SEPTIN7: variants seen among roughly 807,000 people sequenced by gnomAD.
SEPTIN7 encodes septin 7.
In SEPTIN7, 10 loss-of-function variants were observed where a neutral mutation model predicts 63.3. That is an observed-to-expected ratio of 0.16 (90% CI 0.10 to 0.27). SEPTIN7 has a LOEUF of 0.27. SEPTIN7 is among the 10% of genes least tolerant of loss of function. The probability of loss-of-function intolerance (pLI) is 1.00; values close to 1 mark genes in which losing one functional copy is unlikely to be tolerated. For synonymous variants in SEPTIN7, 131 were observed against 165.3 expected (o/e 0.79, Z 1.59); for missense variants, 310 against 521.0 (o/e 0.59, Z 3.94).
chr7:35,880,174 G>A (rs1205108924), intron 7 of SEPTIN7, among the ~76,000 whole-genome samples: 1 of 94,554 alleles, frequency 1.1e-5, no homozygotes, highest in Non-Finnish European at 2.3e-5. Context: ...ATACTCTTTA[G>A]AATTATTTTC....
At chr7:35,861,021 T>G (rs1785477139) in intron 3 of SEPTIN7, among the ~76,000 whole-genome samples, 1 of 152,186 alleles carries the variant, frequency 6.6e-6, no homozygotes, top group Non-Finnish European at 1.5e-5. Context: ...TTCTTTTTTC[T>G]TTCTGCTCAG....
At chr7:35,833,990 T>C (rs1783957440) in intron 3 of SEPTIN7, among the ~76,000 whole-genome samples, 1 of 152,046 alleles carries the variant, frequency 6.6e-6, no homozygotes, top group Admixed American at 6.5e-5. Flanking sequence ...ATAGCATTGG[T>C]TACCTTGTCT....
chr7:35,837,982 G>A (rs1254714234), intron 3 of SEPTIN7, among the ~76,000 whole-genome samples: 2 of 152,064 alleles, frequency 1.3e-5, no homozygotes, highest in East Asian at 3.9e-4. Context: ...ACTTGCCTCG[G>A]CCTCCCAAAG....
chr7:35,854,103 A>G (rs1785085116), intron 3 of SEPTIN7, among the ~76,000 whole-genome samples: 1 of 152,146 alleles, frequency 6.6e-6, no homozygotes, highest in Non-Finnish European at 1.5e-5. Flanking sequence ...TTGGATTTTC[A>G]GATTAGGGAT....
At chr7:35,822,864 G>T (rs1389504105) in intron 1 of SEPTIN7, among the ~76,000 whole-genome samples, 1 of 152,110 alleles carries the variant, frequency 6.6e-6, no homozygotes. Flanking sequence ...CCACACCCCT[G>T]TTTTGTTCTA....
chr7:35,889,337 G>C (rs1394360558), intron 10 of SEPTIN7, among the ~76,000 whole-genome samples: 1 of 152,200 alleles, frequency 6.6e-6, no homozygotes, highest in African/African-American at 2.4e-5. Flanking sequence ...GAGGGACAGA[G>C]TCTGGGAGAT....
Position 35,898,299 on chromosome 7 carries a change from G to T in SEPTIN7, c.1050G>T (p.Met350Ile), listed in dbSNP as rs1788077598. The T allele has an allele frequency of 7.7e-6, 12 of 1,551,464 alleles. No homozygotes were observed. The highest frequency in any genetic ancestry group is 9.6e-6 in the Non-Finnish European group (11 of 1,146,558). ...EEERREHVAK[M>I]KKMEMEMEQV... is the part of the protein sequence containing the mutation. Reference sequence around the variant, plus strand: ...AAAGAAGGGAGCATGTAGCTAAAATGAAGAAGATGGAGATGGAGATGGAGC... The same window carrying T: ...AAAGAAGGGAGCATGTAGCTAAAATTAAGAAGATGGAGATGGAGATGGAGC... Residue 350 changes from methionine to isoleucine, a missense_variant, in exon 12 of 14, where the codon ATG (methionine) becomes ATT (isoleucine). Physicochemically the swap from Met to Ile is conservative, Grantham distance 10. Coordinates refer to ENST00000350320, the MANE Select transcript of SEPTIN7 (RefSeq NM_001788.6).
Position 35,832,527 on chromosome 7 carries a change from A to G in SEPTIN7, c.67-271A>G, listed in dbSNP as rs17617560. 6,906 of 312,570 alleles carry G rather than the reference A, an allele frequency of 0.022. 116 individuals are homozygous for G. The highest frequency in any genetic ancestry group is 0.028 in the Non-Finnish European group (4,580 of 162,616). 19.4% of individuals were successfully genotyped at this position (312,570 alleles called of 1,614,324 possible). On this transcript the variant is annotated intron_variant, in intron 2 of 13. Transcript: ENST00000350320. ...ATCATCTTGTTACTAACTACTGTCA[A>G]TTGAAATCTTTGCTCTGAGGCAGGT...
At chr7:35,910,235 A>G (rs1197532709), downstream of SEPTIN7, among the ~76,000 whole-genome samples, 3 of 152,216 alleles carry the variant, frequency 2.0e-5, no homozygotes, top group East Asian at 1.9e-4. Context: ...GTCCTGTTCA[A>G]TGCATGAAGG....
chr7:35,809,940 G>A (rs986302453), intron 1 of SEPTIN7, among the ~76,000 whole-genome samples: 4 of 152,176 alleles, frequency 2.6e-5, no homozygotes, highest in Admixed American at 6.5e-5. Context: ...AAGGACATGA[G>A]GGGGATGGTT....
chr7:35,820,171 G>A (rs1789327666), intron 1 of SEPTIN7, among the ~76,000 whole-genome samples: 4 of 152,004 alleles, frequency 2.6e-5, no homozygotes. Flanking sequence ...ACATATAGTT[G>A]CTTCTCATAA....
At chr7:35,842,088 G>A (rs1215963611) in intron 3 of SEPTIN7, among the ~76,000 whole-genome samples, 1 of 152,154 alleles carries the variant, frequency 6.6e-6, no homozygotes, top group Non-Finnish European at 1.5e-5. Context: ...AGCATTTGTA[G>A]ATTGAGTGTT....
intron 1 of SEPTIN7, among the ~76,000 whole-genome samples, chr7:35,824,094 T>TA (rs900416361): frequency 6.6e-6 from 1 of 151,840 alleles, no homozygotes; most frequent in Non-Finnish European, 1.5e-5. Flanking sequence ...AGATAAGCAT[T>TA]AAAAAAAATT....
At position 35,890,695 on chromosome 7, in the gene SEPTIN7, T is replaced by C; in HGVS notation, c.900T>C (p.Val300=). ...IRTHMQDLKD[V]TNNVHYENYR... ...CACACATGCAGGACTTGAAAGATGT[T>C]ACTAATAATGTCCACTATGAGAACT... Residue 300 remains valine, a synonymous_variant, in exon 11 of 14, where the codon GTT becomes GTC. Transcript: ENST00000350320. 6.3e-7 allele frequency: 1 copy of C among 1,586,856 alleles called. No homozygotes were observed. The highest frequency in any genetic ancestry group is 1.4e-5 in the African/African-American group (1 of 73,634).
chr7:35,802,113 T>G (rs1788032144), intron 1 of SEPTIN7: 1 of 162,860 alleles, frequency 6.1e-6, no homozygotes, highest in African/African-American at 2.4e-5. Context: ...AGATGTGGAG[T>G]GGCGAAGTTT....
At chr7:35,807,224 GCC>G (rs1788402478) in intron 1 of SEPTIN7, among the ~76,000 whole-genome samples, 1 of 143,456 alleles carries the variant, frequency 7.0e-6, no homozygotes, top group Non-Finnish European at 1.5e-5. Context: ...CGCTCTTGTT[GCC>G]CAGGCTGGAG....
chr7:35,915,741 T>G, the SEPTIN7 span, among the ~76,000 whole-genome samples: 17 of 152,178 alleles, frequency 1.1e-4, no homozygotes, highest in Admixed American at 7.9e-4. Context: ...TCTCTTTTCT[T>G]CCACTGACAT....
chr7:35,911,507 A>G (rs1788740743), downstream of SEPTIN7, among the ~76,000 whole-genome samples: 3 of 152,226 alleles, frequency 2.0e-5, no homozygotes, highest in South Asian at 6.2e-4. Flanking sequence ...ATGCTGCACA[A>G]TGATTCCTAT....
At chr7:35,810,135 A>T (rs1384861867) in intron 1 of SEPTIN7, among the ~76,000 whole-genome samples, 1 of 152,180 alleles carries the variant, frequency 6.6e-6, no homozygotes, top group Non-Finnish European at 1.5e-5. Context: ...CTAGGAAGAC[A>T]TCTAGGATAG....
Sources: gnomAD v4.1 joint callset for allele counts (sites outside exome capture counted in the v4.1 genomes callset) on GRCh38, gnomAD v4.1.1 for gene constraint, MANE v1.5 for transcripts, NCBI Gene and HGNC (gene_info 2026-07-23, HGNC 2026-07-21) for gene names.